Variants in PLPPR5 observed in about 807,000 individuals in gnomAD.
The protein encoded by PLPPR5 is phospholipid phosphatase related 5.
Under a neutral mutation model 33.9 loss-of-function variants are expected in PLPPR5, and 16 were observed. The ratio of observed to expected loss-of-function variants is 0.47; its 90% CI spans 0.32 to 0.72. PLPPR5 has a LOEUF of 0.72. Among genes scored for constraint, PLPPR5 ranks in the 30% least tolerant of loss-of-function variants. The probability of loss-of-function intolerance (pLI) is 0.03; values close to 1 mark genes in which losing one functional copy is unlikely to be tolerated. For synonymous variants in PLPPR5, 163 were observed against 150.3 expected (o/e 1.08, Z -0.62); for missense variants, 301 against 406.7 (o/e 0.74, Z 2.23).
chr1:98,983,193 C>A (rs1020097527), intron 1 of PLPPR5, among the ~76,000 whole-genome samples: 2 of 149,542 alleles, frequency 1.3e-5, no homozygotes, highest in East Asian at 4.0e-4. Context: ...CCCACTAACT[C>A]GTCATCTAGC....
intron 3 of PLPPR5, among the ~76,000 whole-genome samples, chr1:98,944,976 C>T (rs1036205405): frequency 2.0e-5 from 3 of 152,210 alleles, no homozygotes; most frequent in African/African-American, 7.2e-5. Flanking sequence ...CATCAAATGA[C>T]CATGTATTCA....
intron 1 of PLPPR5, 73 bp from the exon 2 acceptor site, chr1:98,956,814 A>G: frequency 8.4e-7 from 1 of 1,186,444 alleles, no homozygotes; most frequent in African/African-American, 1.6e-5. Context: ...TTATTTTAAA[A>G]ATGTAAAATG....
chr1:98,985,179 A>G (rs1652210672), intron 1 of PLPPR5, among the ~76,000 whole-genome samples: 2 of 151,998 alleles, frequency 1.3e-5, no homozygotes. Context: ...CTCCTTTAAT[A>G]AAAGTTAATT....
chr1:98,937,410 G>T (rs1557676032), intron 3 of PLPPR5, among the ~76,000 whole-genome samples: 1 of 152,136 alleles, frequency 6.6e-6, no homozygotes, highest in Non-Finnish European at 1.5e-5. Context: ...CAATTTGCTT[G>T]TATCAAGAAA....
intron 1 of PLPPR5, among the ~76,000 whole-genome samples, chr1:99,000,358 T>C (rs1652788390): frequency 6.6e-6 from 1 of 152,194 alleles, no homozygotes; most frequent in Admixed American, 6.5e-5. Flanking sequence ...TAAAAAAATG[T>C]CCTAAACCAC....
chr1:98,962,263 A>C (rs1011975822), intron 1 of PLPPR5, among the ~76,000 whole-genome samples: 1 of 152,228 alleles, frequency 6.6e-6, no homozygotes, highest in Non-Finnish European at 1.5e-5. Flanking sequence ...TGAATTATGT[A>C]ATGGTTAAAT....
intron 2 of PLPPR5, among the ~76,000 whole-genome samples, chr1:98,955,100 TA>T (rs929062455): frequency 6.6e-6 from 1 of 152,048 alleles, no homozygotes; most frequent in African/African-American, 2.4e-5. Context: ...AGCACTGACC[TA>T]AAGAATAAAG....
At chr1:98,935,435 C>T (rs1190123990) in intron 3 of PLPPR5, among the ~76,000 whole-genome samples, 2 of 152,184 alleles carry the variant, frequency 1.3e-5, no homozygotes, top group African/African-American at 4.8e-5. Context: ...GGTAATACGA[C>T]TGTTCACCTT....
chr1:98,946,016 T>C (rs1650535261), intron 3 of PLPPR5, among the ~76,000 whole-genome samples: 1 of 152,178 alleles, frequency 6.6e-6, no homozygotes, highest in Non-Finnish European at 1.5e-5. Context: ...CCTCAGAAAC[T>C]ATGACTTTCA....
At chr1:98,974,959 CTGTT>C (rs1651792655) in intron 1 of PLPPR5, among the ~76,000 whole-genome samples, 2 of 152,038 alleles carry the variant, frequency 1.3e-5, no homozygotes, top group Admixed American at 1.3e-4. Context: ...GGCTAAGGCA[CTGTT>C]CTCTTACTTA....
chr1:98,966,018 T>C (rs1272155990), intron 1 of PLPPR5, among the ~76,000 whole-genome samples: 1 of 152,176 alleles, frequency 6.6e-6, no homozygotes, highest in East Asian at 1.9e-4. Context: ...GTGAATCCAG[T>C]GAAATGTGGG....
At chr1:98,956,481 A>G in intron 2 of PLPPR5, 128 bp downstream of exon 2, 1 of 925,730 alleles carries the variant, frequency 1.1e-6, no homozygotes, top group Non-Finnish European at 1.5e-6. Context: ...TTTTAAAAGC[A>G]AATTGAAACA....
chr1:98,943,066 A>G lies in PLPPR5; in HGVS notation c.621+10004T>C, dbSNP rs115706943. On this transcript the variant is annotated intron_variant, in intron 3 of 5. Transcript: ENST00000263177. The stretch of plus-strand genomic sequence containing the variant: ...AGTGACAGCCAAAGGGACTTAATAC[A>G]CAGAAAGTTATAGAGGTGGTTTATA... Among the ~76,000 whole-genome samples, 247 of 152,306 alleles carry G rather than the reference A, an allele frequency of 1.6e-3. 1 individual carries two copies. Among genetic ancestry groups the G allele is most frequent in the South Asian group, 0.011 (54 of 4,822 alleles).
intron 5 of PLPPR5, among the ~76,000 whole-genome samples, chr1:98,907,399 G>T (rs1030738604): frequency 6.6e-6 from 1 of 151,810 alleles, no homozygotes; most frequent in Non-Finnish European, 1.5e-5. Flanking sequence ...GCGGGGTTTT[G>T]TCATGTCGGC....
At chr1:98,911,522 C>T (rs1649148354) in intron 5 of PLPPR5, among the ~76,000 whole-genome samples, 1 of 151,968 alleles carries the variant, frequency 6.6e-6, no homozygotes, top group South Asian at 2.1e-4. Flanking sequence ...ATAACATCAA[C>T]AAGAACCTTT....
At chr1:98,916,902 G>C (rs976930236) in intron 4 of PLPPR5, among the ~76,000 whole-genome samples, 8 of 152,098 alleles carry the variant, frequency 5.3e-5, no homozygotes, top group Non-Finnish European at 8.8e-5. Context: ...TGAGGGACAT[G>C]GTTTTTGATC....
At chr1:98,922,712 G>A (rs186114857) in intron 3 of PLPPR5, among the ~76,000 whole-genome samples, 11 of 152,238 alleles carry the variant, frequency 7.2e-5, no homozygotes, top group South Asian at 4.1e-4. Flanking sequence ...TAGGCCGGGC[G>A]CGGTGGCTCA....
chr1:98,921,969 A>G lies in PLPPR5; in HGVS notation c.711T>C (p.Thr237=), dbSNP rs751854230. ...GATATTCTGCTACTCTGTTGAGTCC[A>G]GTAAGAAATGCCAAACACATTAAGC... is the stretch of plus-strand genomic sequence containing the variant. The part of the protein sequence containing the change: ...CLGLMCLAFL[T]GLNRVAEYRN... Residue 237 remains threonine (T), a synonymous_variant, in exon 4 of 6, where the codon ACT becomes ACC. Transcript: ENST00000263177. 6.2e-7 allele frequency: 1 copy of G among 1,613,686 alleles called. No individual in the cohort carries two copies. Among genetic ancestry groups the G allele is most frequent in the Non-Finnish European group, 8.5e-7 (1 of 1,179,958 alleles).
chr1:98,987,458 T>C (rs1570757894), intron 1 of PLPPR5, among the ~76,000 whole-genome samples: 2 of 152,010 alleles, frequency 1.3e-5, no homozygotes, highest in Non-Finnish European at 2.9e-5. Flanking sequence ...ACAACAGAAA[T>C]ACCATATTTC....
Sources: allele counts gnomAD v4.1 joint callset (sites outside exome capture counted in the v4.1 genomes callset), GRCh38; gene constraint gnomAD v4.1.1; transcripts MANE v1.5; gene names NCBI Gene and HGNC (gene_info 2026-07-23, HGNC 2026-07-21).